SLC5A4: variants seen among roughly 807,000 people sequenced by gnomAD.
SLC5A4 encodes solute carrier family 5 member 4.
In SLC5A4, 55 loss-of-function variants were observed where a neutral mutation model predicts 70.3. The ratio of observed to expected loss-of-function variants is 0.78; its 90% CI spans 0.63 to 0.98. SLC5A4 has a LOEUF of 0.98. Ranked by LOEUF, SLC5A4 falls within the 50% of genes least tolerant of loss-of-function variation. The pLI, the probability that SLC5A4 is intolerant of heterozygous loss-of-function variation, is 0.00. For missense variants in SLC5A4, 735 were observed against 839.2 expected (o/e 0.88, Z 1.53); for synonymous variants, 268 against 305.7 (o/e 0.88, Z 1.29).
At chr22:32,219,630 C>CA in intron 14 of SLC5A4, among the ~76,000 whole-genome samples, 426 of 28,854 alleles carry the variant, frequency 0.015, 48 homozygotes, top group African/African-American at 0.087. Flanking sequence ...TCCAACTTAG[C>CA]AAAAAAAAAA....
intron 8 of SLC5A4, 121 bp downstream of exon 8, chr22:32,234,752 T>C: frequency 1.3e-6 from 1 of 780,166 alleles, no homozygotes; most frequent in Non-Finnish European, 2.2e-6. Flanking sequence ...CTTTAAACGA[T>C]GTGTGTGCAA....
chr22:32,256,717 G>A (rs985594711), upstream of SLC5A4, among the ~76,000 whole-genome samples: 1 of 152,138 alleles, frequency 6.6e-6, no homozygotes, highest in African/African-American at 2.4e-5. Context: ...ACATTTTCAA[G>A]GTTCATCCAT....
chr22:32,292,719 TTCTGTG>T, the SLC5A4 span, among the ~76,000 whole-genome samples: 1 of 152,174 alleles, frequency 6.6e-6, no homozygotes, highest in African/African-American at 2.4e-5. Context: ...TTTGTAAAAG[TTCTGTG>T]TCTGTATGAG....
At chr22:32,256,149 T>G (rs533876850), upstream of SLC5A4, among the ~76,000 whole-genome samples, 632 of 152,130 alleles carry the variant, frequency 4.2e-3, 2 homozygotes, top group South Asian at 0.014. Context: ...AGTCTTTGTC[T>G]CTATAAAAAT....
chr22:32,278,103 G>A, the SLC5A4 span, among the ~76,000 whole-genome samples: 1 of 152,136 alleles, frequency 6.6e-6, no homozygotes, highest in African/African-American at 2.4e-5. Flanking sequence ...AGGTCACTTA[G>A]CGTGTTAGGG....
At chr22:32,315,203 T>A in the SLC5A4 span, among the ~76,000 whole-genome samples, 4 of 152,028 alleles carry the variant, frequency 2.6e-5, no homozygotes, top group Non-Finnish European at 2.9e-5. Flanking sequence ...GTGCCAGCAA[T>A]GAGCACAGAA....
intron 5 of SLC5A4, among the ~76,000 whole-genome samples, chr22:32,244,872 A>G (rs2145689360): frequency 6.6e-6 from 1 of 152,344 alleles, no homozygotes; most frequent in Admixed American, 6.5e-5. Context: ...CATATATGAC[A>G]TAAAATTTAC....
intron 2 of SLC5A4, 79 bp from the exon 3 acceptor site, chr22:32,251,953 G>A: frequency 9.4e-7 from 1 of 1,062,966 alleles, no homozygotes. Context: ...GATGTAGCTG[G>A]GCGTGGTGGC....
At chr22:32,349,297 A>G in the SLC5A4 span, among the ~76,000 whole-genome samples, 1 of 152,220 alleles carries the variant, frequency 6.6e-6, no homozygotes, top group Non-Finnish European at 1.5e-5. Context: ...TTAAAAAATC[A>G]AAAACAGGTA....
At chr22:32,282,971 C>A in the SLC5A4 span, among the ~76,000 whole-genome samples, 1 of 152,218 alleles carries the variant, frequency 6.6e-6, no homozygotes, top group Non-Finnish European at 1.5e-5. Context: ...TCAGAAGAAG[C>A]CTTTACAACG....
At chr22:32,320,733 A>T in the SLC5A4 span, among the ~76,000 whole-genome samples, 2 of 107,040 alleles carry the variant, frequency 1.9e-5, no homozygotes, top group Non-Finnish European at 1.9e-5. Flanking sequence ...AAACTGCTTT[A>T]AAAAAAATCT....
At chr22:32,305,939 C>T in the SLC5A4 span, among the ~76,000 whole-genome samples, 1 of 151,722 alleles carries the variant, frequency 6.6e-6, no homozygotes, top group South Asian at 2.1e-4. Flanking sequence ...TTAGAGGTGG[C>T]GTCCACCTGC....
At chr22:32,301,764 C>T in the SLC5A4 span, among the ~76,000 whole-genome samples, 6 of 150,912 alleles carry the variant, frequency 4.0e-5, no homozygotes, top group Non-Finnish European at 8.8e-5. Flanking sequence ...TTAAAACTTA[C>T]AACAAAGCTA....
chr22:32,280,008 G>A, the SLC5A4 span, among the ~76,000 whole-genome samples: 1 of 152,170 alleles, frequency 6.6e-6, no homozygotes, highest in Non-Finnish European at 1.5e-5. Flanking sequence ...CCAGTTTTTT[G>A]TTGTTGTTGT....
the SLC5A4 span, among the ~76,000 whole-genome samples, chr22:32,349,625 T>C: frequency 6.6e-6 from 1 of 152,252 alleles, no homozygotes; most frequent in Non-Finnish European, 1.5e-5. Flanking sequence ...TCCCCAAAGA[T>C]TACTGAAATC....
At chr22:32,301,336 GTTTT>G in the SLC5A4 span, among the ~76,000 whole-genome samples, 3 of 152,090 alleles carry the variant, frequency 2.0e-5, no homozygotes, top group Admixed American at 6.5e-5. Flanking sequence ...CACCAGCAAG[GTTTT>G]TTATTTTTGC....
chr22:32,312,445 G>A, the SLC5A4 span, among the ~76,000 whole-genome samples: 3 of 152,112 alleles, frequency 2.0e-5, no homozygotes, highest in African/African-American at 4.8e-5. Flanking sequence ...GGGAGCAGGG[G>A]CAAGGGAAGC....
chr22:32,297,460 T>G, the SLC5A4 span, among the ~76,000 whole-genome samples: 1 of 144,016 alleles, frequency 6.9e-6, no homozygotes, highest in Non-Finnish European at 1.5e-5. Flanking sequence ...TGTAGTATTC[T>G]CTGATGGTAG....
the SLC5A4 span, among the ~76,000 whole-genome samples, chr22:32,303,266 T>C: frequency 1.3e-5 from 2 of 152,182 alleles, no homozygotes; most frequent in Non-Finnish European, 2.9e-5. Context: ...AAGGTATACA[T>C]TGGTTCGGTC....
Sources: allele counts gnomAD v4.1 joint callset (sites outside exome capture counted in the v4.1 genomes callset), GRCh38; gene constraint gnomAD v4.1.1; transcripts MANE v1.5; gene names NCBI Gene and HGNC (gene_info 2026-07-23, HGNC 2026-07-21).